Variants in PLXNA4 observed in about 807,000 individuals in gnomAD.
PLXNA4 encodes plexin A4, also known as plexin-A4.
A neutral mutation model predicts 191.8 loss-of-function variants in PLXNA4; 44 were observed. That is an observed-to-expected ratio of 0.23 (90% confidence interval 0.18 to 0.29). The LOEUF is 0.29. PLXNA4 is among the 10% of genes least tolerant of loss of function. The pLI is 1.00. For synonymous variants in PLXNA4, 1,082 were observed against 1,009.5 expected (o/e 1.07, Z -1.36); for missense variants, 1,800 against 2,488.8 (o/e 0.72, Z 5.89).
At chr7:132,482,765 T>A (rs1797389537) in intron 3 of PLXNA4, among the ~76,000 whole-genome samples, 1 of 150,714 alleles carries the variant, frequency 6.6e-6, no homozygotes. Context: ...CGATCTCAGC[T>A]CACTGCAACC....
At position 132,466,705 on chromosome 7, in the gene PLXNA4, C is replaced by A. The variant is rs548660285; in HGVS notation, c.1371+22587G>T. On this transcript the variant is annotated intron_variant, in intron 3 of 31. Coordinates refer to ENST00000321063, the MANE Select transcript of PLXNA4 (RefSeq NM_020911.2). The stretch of plus-strand genomic sequence containing the variant: ...AATTCTCTTTATGTGTAACCCCCTC[C>A]CTCGGGGGCAGTCTCTCCACTTCCA... Among the ~76,000 whole-genome samples, 78 of 152,304 alleles carry A rather than the reference C, an allele frequency of 5.1e-4. 1 individual carries two copies. The highest frequency in any genetic ancestry group is 1.8e-3 in the African/African-American group (74 of 41,558).
chr7:132,336,085 T>C (rs1802805570), intron 3 of PLXNA4, among the ~76,000 whole-genome samples: 1 of 152,274 alleles, frequency 6.6e-6, no homozygotes. Flanking sequence ...TGCCCTACCA[T>C]GGATGGCAAG....
chr7:132,190,403 C>T (rs1262814031), intron 14 of PLXNA4, among the ~76,000 whole-genome samples: 2 of 152,180 alleles, frequency 1.3e-5, no homozygotes, highest in African/African-American at 4.8e-5. Context: ...TGCATTGGTA[C>T]ATGGGAGCTA....
At chr7:132,245,039 C>A (rs1349855429) in intron 4 of PLXNA4, among the ~76,000 whole-genome samples, 1 of 152,136 alleles carries the variant, frequency 6.6e-6, no homozygotes, top group Non-Finnish European at 1.5e-5. Context: ...CCAACTCCAG[C>A]TCCTCTCCTG....
At chr7:132,204,841 T>C (rs1242955606) in intron 10 of PLXNA4, among the ~76,000 whole-genome samples, 3 of 152,180 alleles carry the variant, frequency 2.0e-5, no homozygotes, top group Non-Finnish European at 4.4e-5. Flanking sequence ...CGGAATGTGC[T>C]CCCATGAGAA....
chr7:132,332,738 T>C (rs1462292641), intron 3 of PLXNA4, among the ~76,000 whole-genome samples: 1 of 151,744 alleles, frequency 6.6e-6, no homozygotes, highest in Non-Finnish European at 1.5e-5. Flanking sequence ...CGAGGGCCTG[T>C]AGTCCCAGCT....
chr7:132,553,991 G>C (rs911601192), intron 1 of PLXNA4, among the ~76,000 whole-genome samples: 1 of 152,146 alleles, frequency 6.6e-6, no homozygotes, highest in Non-Finnish European at 1.5e-5. Flanking sequence ...ATCACCAAAA[G>C]CCCTGTCTAA....
Position 132,191,567 on chromosome 7 carries a change from C to T in PLXNA4, c.2856+2495G>A, listed in dbSNP as rs141592487. 5.4e-3 allele frequency among the ~76,000 whole-genome samples: 821 copies of T among 152,192 alleles called. 4 individuals carry two copies. The highest frequency in any genetic ancestry group is 0.019 in the African/African-American group (776 of 41,516). On this transcript the variant is annotated intron_variant, in intron 14 of 31. Coordinates refer to ENST00000321063, the MANE Select transcript of PLXNA4 (RefSeq NM_020911.2). ...TTAGTAAGTTGGAGGTGGCTCTAGC[C>T]CTGTCCACTTTATCATTCAGGATCA...
At chr7:132,507,423 A>T (rs759953782) in intron 2 of PLXNA4, 83 bp downstream of exon 2, 12 of 1,419,410 alleles carry the variant, frequency 8.5e-6, no homozygotes, top group Non-Finnish European at 1.1e-5. Context: ...GGGAAGGATG[A>T]TACACATCCC....
chr7:132,544,563 C>T (rs570749562), intron 1 of PLXNA4, among the ~76,000 whole-genome samples: 2 of 152,274 alleles, frequency 1.3e-5, no homozygotes, highest in African/African-American at 4.8e-5. Context: ...GGGGCACACC[C>T]TGTCACTATG....
intron 3 of PLXNA4, among the ~76,000 whole-genome samples, chr7:132,381,991 C>G (rs895616833): frequency 1.3e-5 from 2 of 150,300 alleles, no homozygotes; most frequent in Non-Finnish European, 2.9e-5. Flanking sequence ...ATTATTCACA[C>G]TCCTGTTTGC....
At chr7:132,375,576 G>A (rs1479868361) in intron 3 of PLXNA4, among the ~76,000 whole-genome samples, 1 of 152,158 alleles carries the variant, frequency 6.6e-6, no homozygotes, top group African/African-American at 2.4e-5. Context: ...AATAACCACA[G>A]CACAGTGTGA....
intron 3 of PLXNA4, among the ~76,000 whole-genome samples, chr7:132,352,151 C>T (rs1031554331): frequency 6.6e-6 from 1 of 152,228 alleles, no homozygotes; most frequent in Admixed American, 6.5e-5. Flanking sequence ...AGCTTCCCCA[C>T]TTCCCCTGCT....
chr7:132,148,502 T>C (rs780724810), intron 26 of PLXNA4, 41 bp downstream of exon 26: 1 of 1,612,570 alleles, frequency 6.2e-7, no homozygotes, highest in East Asian at 2.2e-5. Context: ...GGCAAGGGAC[T>C]TGTAGTTGGC....
At chr7:132,269,972 G>A (rs1800002497) in intron 4 of PLXNA4, among the ~76,000 whole-genome samples, 1 of 152,096 alleles carries the variant, frequency 6.6e-6, no homozygotes, top group Non-Finnish European at 1.5e-5. Context: ...GTGCTTGAGG[G>A]ATTGACAGGA....
chr7:132,168,551 G>A lies in PLXNA4; in HGVS notation c.4039C>T (p.Arg1347Cys), dbSNP rs369917118. Residue 1347 changes from arginine to cysteine, a missense_variant, in exon 22 of 32, where the codon CGT (arginine) becomes TGT (cysteine). Physicochemically the swap from Arg to Cys is radical, Grantham distance 180. Around this residue, in one of 6 missense-constraint regions of PLXNA4, gnomAD observed 1,397 missense variants for 1,880.4 expected, o/e 0.74. Transcript: ENST00000321063. ...AAGAGCTTCAGGCCTTTCTCCACAC[G>A]CTCCTGCCGGTAGCCCGGGACCTGC... ...DLEVPGYRQERVEKGLKLFAQ... is the reference protein window; with the variant it reads ...DLEVPGYRQECVEKGLKLFAQ... The A allele has an allele frequency of 1.3e-5, 20 of 1,592,058 alleles. No homozygotes were observed. The highest frequency in any genetic ancestry group is 8.0e-5 in the African/African-American group (6 of 74,634).
At chr7:132,613,475 G>C (rs965345801) in intron 2 of PLXNA4, among the ~76,000 whole-genome samples, 5 of 152,210 alleles carry the variant, frequency 3.3e-5, no homozygotes, top group Admixed American at 6.5e-5. Flanking sequence ...CAGGGGCCAT[G>C]TCTCTTTATT....
At chr7:132,138,652 T>A (rs987134030) in intron 30 of PLXNA4, among the ~76,000 whole-genome samples, 2 of 152,178 alleles carry the variant, frequency 1.3e-5, no homozygotes, top group African/African-American at 4.8e-5. Flanking sequence ...TTCTTGAAAG[T>A]GTCAGTGGTT....
intron 2 of PLXNA4, among the ~76,000 whole-genome samples, chr7:132,620,258 C>T (rs1413938059): frequency 2.0e-5 from 3 of 152,040 alleles, no homozygotes; most frequent in Non-Finnish European, 2.9e-5. Context: ...CCTGGATAAG[C>T]GGCCTGCCTC....
Sources: allele counts gnomAD v4.1 joint callset (sites outside exome capture counted in the v4.1 genomes callset), GRCh38; gene constraint gnomAD v4.1.1; regional missense constraint gnomAD v4.1.1; transcripts MANE v1.5; gene names NCBI Gene and HGNC (gene_info 2026-07-23, HGNC 2026-07-21).